Variants in OPCML observed in about 807,000 individuals in gnomAD.
The protein encoded by OPCML is opioid binding protein/cell adhesion molecule like.
OPCML carries 13 observed loss-of-function variants against 37.8 expected under a neutral mutation model. That is an observed-to-expected ratio of 0.34 (90% confidence interval 0.22 to 0.55). The LOEUF (loss-of-function observed/expected upper bound fraction) is 0.55, where lower values mean the gene tolerates loss of function less well. Ranked by LOEUF, OPCML falls within the 20% of genes least tolerant of loss-of-function variation. The probability of loss-of-function intolerance (pLI) is 0.91; values close to 1 mark genes in which losing one functional copy is unlikely to be tolerated. For missense variants in OPCML, 341 were observed against 435.6 expected, an observed-to-expected ratio of 0.78 and a Z score of 1.93; for synonymous variants, 176 against 168.8, an observed-to-expected ratio of 1.04 and a Z score of -0.33.
intron 1 of OPCML, among the ~76,000 whole-genome samples, chr11:133,214,075 T>C (rs575995128): frequency 2.0e-5 from 3 of 152,068 alleles, no homozygotes; most frequent in Non-Finnish European, 2.9e-5. Flanking sequence ...TTCCTTGAAA[T>C]AAAGGATGAA....
chr11:132,452,348 A>G (rs1201746853), intron 4 of OPCML, among the ~76,000 whole-genome samples: 1 of 152,132 alleles, frequency 6.6e-6, no homozygotes, highest in African/African-American at 2.4e-5. Context: ...GGGTTTGTGA[A>G]GGAGTCCCCA....
chr11:133,125,916 G>C (rs56851070), intron 1 of OPCML, among the ~76,000 whole-genome samples: 1 of 143,968 alleles, frequency 6.9e-6, no homozygotes, highest in South Asian at 2.2e-4. Flanking sequence ...ATAGACACAC[G>C]TATATAGTAT....
At chr11:133,497,937 C>T (rs994959642) in intron 1 of OPCML, among the ~76,000 whole-genome samples, 3 of 152,250 alleles carry the variant, frequency 2.0e-5, no homozygotes, top group African/African-American at 7.2e-5. Flanking sequence ...CTGCACACTG[C>T]CTGTCAGTTT....
At chr11:133,431,884 T>C (rs960074443) in intron 1 of OPCML, among the ~76,000 whole-genome samples, 37 of 151,278 alleles carry the variant, frequency 2.4e-4, no homozygotes, top group African/African-American at 8.7e-4. Flanking sequence ...TTTTCAAAAG[T>C]ATATATTTCA....
intron 3 of OPCML, among the ~76,000 whole-genome samples, chr11:132,531,448 G>A (rs1247318527): frequency 6.6e-6 from 1 of 152,176 alleles, no homozygotes; most frequent in African/African-American, 2.4e-5. Context: ...GATGTCAAAG[G>A]AGAATTATGG....
chr11:132,700,168 A>C (rs1591482984), intron 2 of OPCML, among the ~76,000 whole-genome samples: 1 of 151,940 alleles, frequency 6.6e-6, no homozygotes, highest in African/African-American at 2.4e-5. Context: ...TTTGATTTAT[A>C]AATTTTTTTA....
chr11:133,418,392 AGATTGGT>A (rs1945813102), intron 1 of OPCML: 1 of 985,268 alleles, frequency 1.0e-6, no homozygotes, highest in South Asian at 4.7e-5. Flanking sequence ...CCACCTAAAT[AGATTGGT>A]GATTGATTGG....
intron 3 of OPCML, among the ~76,000 whole-genome samples, chr11:132,543,185 A>G (rs2096361138): frequency 6.6e-6 from 1 of 152,220 alleles, no homozygotes; most frequent in African/African-American, 2.4e-5. Context: ...TGAATAAATG[A>G]TATGATAAAA....
rs1055534536 is a variant in OPCML, at chr11:132,559,891, C to A, written c.380-30705G>T. On this transcript the variant is annotated intron_variant, in intron 3 of 7. Coordinates refer to ENST00000524381, the MANE Select transcript of OPCML (RefSeq NM_001012393.5). ...ACCAGACTGTGACCTTTGATTGGAG[C>A]CATTTAAGAGGCTTTGAAGCTTCAG... Among the ~76,000 whole-genome samples the A allele has an allele frequency of 5.9e-5, 9 of 152,110 alleles. No individual in the cohort carries two copies. In the South Asian group the frequency reaches 1.0e-3, roughly 17 times the overall value.
rs555400120 is a variant in OPCML, at chr11:132,905,578, A to G, written c.146+37348T>C. 1.4e-4 allele frequency among the ~76,000 whole-genome samples: 21 copies of G among 152,254 alleles called. No individual in the cohort carries two copies. In the East Asian group the frequency reaches 4.1e-3, roughly 29 times the overall value. On this transcript the variant is annotated intron_variant, in intron 2 of 7. Coordinates refer to ENST00000524381, the MANE Select transcript of OPCML (RefSeq NM_001012393.5). ...AGAGCCCAAATTTCACCACCATGCTAGGTAGATAGTTCCCAAAGATGGAAG... is the reference window on the plus strand; with the variant it reads ...AGAGCCCAAATTTCACCACCATGCTGGGTAGATAGTTCCCAAAGATGGAAG...
intron 3 of OPCML, among the ~76,000 whole-genome samples, chr11:132,603,229 T>C (rs1464400456): frequency 6.6e-6 from 1 of 152,178 alleles, no homozygotes; most frequent in African/African-American, 2.4e-5. Flanking sequence ...AGTGATCTCC[T>C]ACTGATCCAT....
chr11:133,202,952 T>C (rs1938863920), intron 1 of OPCML, among the ~76,000 whole-genome samples: 1 of 152,232 alleles, frequency 6.6e-6, no homozygotes. Context: ...TGCACTTGTT[T>C]AGTATCTTCT....
At chr11:133,126,855 G>A (rs1949525523) in intron 1 of OPCML, among the ~76,000 whole-genome samples, 1 of 152,124 alleles carries the variant, frequency 6.6e-6, no homozygotes, top group South Asian at 2.1e-4. Flanking sequence ...TTGACAAAGG[G>A]GTAGCAATGG....
chr11:133,482,453 T>A (rs1486450225), intron 1 of OPCML, among the ~76,000 whole-genome samples: 1 of 152,162 alleles, frequency 6.6e-6, no homozygotes, highest in Non-Finnish European at 1.5e-5. Context: ...GAAAAGCCCC[T>A]GGAGGATCTG....
chr11:133,419,622 C>CTCTG (rs1945840421), intron 1 of OPCML, among the ~76,000 whole-genome samples: 5 of 152,166 alleles, frequency 3.3e-5, no homozygotes, highest in Admixed American at 3.3e-4. Flanking sequence ...CCCTTCTGAA[C>CTCTG]TCTGTGTTTG....
intron 1 of OPCML, among the ~76,000 whole-genome samples, chr11:133,323,535 A>C (rs2136627242): frequency 6.6e-6 from 1 of 152,312 alleles, no homozygotes; most frequent in South Asian, 2.1e-4. Flanking sequence ...TTCAGCACTG[A>C]GGACAGTTCT....
chr11:132,632,364 C>T (rs917418233), intron 3 of OPCML, among the ~76,000 whole-genome samples: 3 of 148,804 alleles, frequency 2.0e-5, no homozygotes, highest in South Asian at 2.1e-4. Context: ...CCTTTGCATT[C>T]GTTCCTTAAC....
chr11:133,112,357 A>G (rs944040123), intron 1 of OPCML, among the ~76,000 whole-genome samples: 1 of 147,036 alleles, frequency 6.8e-6, no homozygotes, highest in Admixed American at 6.9e-5. Context: ...ACACGGTTGA[A>G]TGTAAAAGCA....
intron 2 of OPCML, among the ~76,000 whole-genome samples, chr11:132,916,892 T>C (rs1944624752): frequency 6.6e-6 from 1 of 152,180 alleles, no homozygotes; most frequent in Non-Finnish European, 1.5e-5. Flanking sequence ...ACCTTTCTAC[T>C]AAGTAGGAAA....
Sources: gnomAD v4.1 joint callset for allele counts (sites outside exome capture counted in the v4.1 genomes callset) on GRCh38, gnomAD v4.1.1 for gene constraint, MANE v1.5 for transcripts, NCBI Gene and HGNC (gene_info 2026-07-23, HGNC 2026-07-21) for gene names.